The following ATXN1 variants were observed in gnomAD, a reference collection of about 807,000 sequenced individuals.
ATXN1 encodes ataxin-1.
A neutral mutation model predicts 56.4 loss-of-function variants in ATXN1; 8 were observed. That is an observed-to-expected ratio of 0.14 (90% confidence interval 0.08 to 0.26). The LOEUF (loss-of-function observed/expected upper bound fraction) is 0.26, where lower values mean the gene tolerates loss of function less well. ATXN1 is among the 10% of genes least tolerant of loss of function. The pLI is 1.00. For missense variants in ATXN1, 987 were observed against 1,106.5 expected (o/e 0.89, Z 1.53); for synonymous variants, 514 against 494.6 (o/e 1.04, Z -0.52).
chr6:16,594,639 C>G (rs138500563), intron 3 of ATXN1, among the ~76,000 whole-genome samples: 44 of 152,164 alleles, frequency 2.9e-4, no homozygotes, highest in African/African-American at 1.0e-3. Context: ...CGCACCACCA[C>G]CCCCACCTAA....
intron 6 of ATXN1, among the ~76,000 whole-genome samples, chr6:16,447,565 C>T (rs1473536686): frequency 6.6e-6 from 1 of 152,124 alleles, no homozygotes; most frequent in African/African-American, 2.4e-5. Context: ...CTATGTTGCC[C>T]AGGCTGGTTT....
rs964066207 is a variant in ATXN1 at position 16,657,841 on chromosome 6, G to A, written c.-554C>T. Reference sequence around the variant, plus strand: ...AATCCACTCTTTCTCTCTTGTTCCTGGTCTGCAGCAGCACTAAGTTTGAAG... The same window carrying A: ...AATCCACTCTTTCTCTCTTGTTCCTAGTCTGCAGCAGCACTAAGTTTGAAG... On this transcript the variant is annotated 5_prime_UTR_variant, in exon 3 of 8. Transcript: ENST00000436367. 6.6e-6 allele frequency: 1 copy of A among 152,068 alleles called. No individual in the cohort carries two copies. The highest frequency in any genetic ancestry group is 6.6e-5 in the Admixed American group (1 of 15,264). 9.4% of individuals were successfully genotyped at this position (152,068 alleles called of 1,614,324 possible).
At chr6:16,383,319 T>G (rs1758172890) in intron 6 of ATXN1, among the ~76,000 whole-genome samples, 1 of 152,236 alleles carries the variant, frequency 6.6e-6, no homozygotes, top group Admixed American at 6.5e-5. Context: ...GGGAATACTC[T>G]GTCATACCAG....
chr6:16,302,172 A>G lies in ATXN1; in HGVS notation c.*4157T>C, dbSNP rs759889722. 1.6e-4 allele frequency: 24 copies of G among 152,636 alleles called. No homozygotes were observed. The highest frequency in any genetic ancestry group is 2.2e-4 in the Non-Finnish European group (15 of 68,054). 9.5% of individuals were successfully genotyped at this position (152,636 alleles called of 1,614,324 possible). On this transcript the variant is annotated 3_prime_UTR_variant, in exon 8 of 8. Transcript: ENST00000436367. ...AAATTGTACAACCCTACTCCAGAGCAGTCAAAGTGCTGCTTCTGGACACGT... is the reference window on the plus strand; with the variant it reads ...AAATTGTACAACCCTACTCCAGAGCGGTCAAAGTGCTGCTTCTGGACACGT...
chr6:16,652,117 C>T (rs968009852), intron 3 of ATXN1: 1 of 152,220 alleles, frequency 6.6e-6, no homozygotes, highest in East Asian at 1.9e-4. Flanking sequence ...AATCATTAGC[C>T]TGTGATAGCA....
At chr6:16,706,151 C>T (rs1268798236) in intron 2 of ATXN1, among the ~76,000 whole-genome samples, 2 of 152,138 alleles carry the variant, frequency 1.3e-5, no homozygotes, top group African/African-American at 4.8e-5. Flanking sequence ...TTCTGAAAAG[C>T]TTGGACTGAA....
intron 6 of ATXN1, among the ~76,000 whole-genome samples, chr6:16,425,666 T>G (rs1000022928): frequency 1.3e-5 from 2 of 152,164 alleles, no homozygotes; most frequent in Non-Finnish European, 2.9e-5. Context: ...TAAGTTCTCA[T>G]GCTATCCCAC....
intron 6 of ATXN1, among the ~76,000 whole-genome samples, chr6:16,422,981 T>A (rs1032242101): frequency 6.6e-6 from 1 of 152,248 alleles, no homozygotes; most frequent in African/African-American, 2.4e-5. Flanking sequence ...TCATATCTGA[T>A]CTGATTCAGG....
intron 5 of ATXN1, among the ~76,000 whole-genome samples, chr6:16,508,441 C>T (rs962791002): frequency 6.6e-6 from 1 of 152,112 alleles, no homozygotes; most frequent in African/African-American, 2.4e-5. Context: ...CCAAAAAATT[C>T]ATTGAAAGGA....
rs1762332214 is a variant in ATXN1, at chr6:16,571,533, C to G, written c.-361+14247G>C. On this transcript the variant is annotated intron_variant, in intron 4 of 7. Transcript: ENST00000436367. ...TAGAGACAGGGTCTCACTTTGCCACCCAGACTGGTGTGCAGTGGTGCAATC... is the reference window on the plus strand; with the variant it reads ...TAGAGACAGGGTCTCACTTTGCCACGCAGACTGGTGTGCAGTGGTGCAATC... 2.0e-5 allele frequency among the ~76,000 whole-genome samples: 3 copies of G among 152,006 alleles called. No individual in the cohort carries two copies. In the South Asian group the frequency reaches 6.2e-4, roughly 32 times the overall value.
chr6:16,654,403 G>A (rs1042023893), intron 3 of ATXN1, among the ~76,000 whole-genome samples: 4 of 152,050 alleles, frequency 2.6e-5, no homozygotes, highest in African/African-American at 4.8e-5. Flanking sequence ...AATTAGCTGG[G>A]CACGGTGGCG....
intron 6 of ATXN1, among the ~76,000 whole-genome samples, chr6:16,424,031 C>T (rs1759091109): frequency 6.6e-6 from 1 of 152,166 alleles, no homozygotes; most frequent in South Asian, 2.1e-4. Context: ...AGCACTTTTA[C>T]ATCCTTCGCA....
At position 16,556,341 on chromosome 6, in the gene ATXN1, C is replaced by T. The variant is rs115211732; in HGVS notation, c.-361+29439G>A. Among the ~76,000 whole-genome samples, 661 of 152,262 alleles carry T rather than the reference C, an allele frequency of 4.3e-3. 3 individuals are homozygous for T. Among genetic ancestry groups the T allele is most frequent in the African/African-American group, 0.015 (631 of 41,548 alleles). On this transcript the variant is annotated intron_variant, in intron 4 of 7. Transcript: ENST00000436367. ...ATTCTTCCACCTTTCTTCCTTTTCT[C>T]TCTTAGCAAAAGCCTTTACTACATA...
At chr6:16,342,620 GATC>G (rs1363706850) in intron 6 of ATXN1, among the ~76,000 whole-genome samples, 2 of 152,180 alleles carry the variant, frequency 1.3e-5, no homozygotes. Context: ...ACAACCCAAT[GATC>G]ATCAACAGAT....
intron 2 of ATXN1, among the ~76,000 whole-genome samples, chr6:16,714,271 T>G (rs1016406113): frequency 6.7e-6 from 1 of 148,424 alleles, no homozygotes; most frequent in Admixed American, 6.7e-5. Flanking sequence ...CACTCATCCC[T>G]CACTCCCACC....
intron 3 of ATXN1, among the ~76,000 whole-genome samples, chr6:16,655,079 G>A (rs576619252): frequency 4.6e-5 from 7 of 152,302 alleles, no homozygotes; most frequent in African/African-American, 9.6e-5. Flanking sequence ...GCTATTCAAC[G>A]TAAAACAAAG....
At chr6:16,542,478 C>T (rs1761734116) in intron 4 of ATXN1, among the ~76,000 whole-genome samples, 3 of 152,186 alleles carry the variant, frequency 2.0e-5, no homozygotes, top group Admixed American at 2.0e-4. Context: ...TCCCGGAGCC[C>T]TTCCCTGGCT....
intron 7 of ATXN1, among the ~76,000 whole-genome samples, chr6:16,307,064 C>G (rs180015): frequency 0.49 from 75,091 of 152,084 alleles, 22,020 homozygotes; most frequent in African/African-American, 0.79. Flanking sequence ...GGTTGTACCT[C>G]TACTTGCCAT....
intron 6 of ATXN1, among the ~76,000 whole-genome samples, chr6:16,384,665 A>G (rs1758200876): frequency 6.6e-6 from 1 of 152,174 alleles, no homozygotes; most frequent in Non-Finnish European, 1.5e-5. Flanking sequence ...TTCTCATGAT[A>G]GTGAGTTCTC....
Sources: gnomAD v4.1 joint callset for allele counts (sites outside exome capture counted in the v4.1 genomes callset) on GRCh38, gnomAD v4.1.1 for gene constraint, MANE v1.5 for transcripts, NCBI Gene and HGNC (gene_info 2026-07-23, HGNC 2026-07-21) for gene names.